The following TCTN3 variants were observed in gnomAD, a reference collection of about 807,000 sequenced individuals.
The protein encoded by TCTN3 is tectonic family member 3, also known as tectonic-3.
Under a neutral mutation model 71.3 loss-of-function variants are expected in TCTN3, and 57 were observed. The observed-to-expected ratio is 0.80, with a 90% confidence interval of 0.65 to 1.00. TCTN3 has a LOEUF of 1.00. Ranked by LOEUF, TCTN3 falls within the 50% of genes least tolerant of loss-of-function variation. The pLI is 0.00. For missense variants in TCTN3, 696 were observed against 719.9 expected, an observed-to-expected ratio of 0.97 and a Z score of 0.38; for synonymous variants, 258 against 267.8, an observed-to-expected ratio of 0.96 and a Z score of 0.36.
chr10:95,675,878 G>C (rs963205391), intron 13 of TCTN3, among the ~76,000 whole-genome samples: 1 of 152,170 alleles, frequency 6.6e-6, no homozygotes, highest in Admixed American at 6.5e-5. Context: ...TTGTGGCAGA[G>C]GTTCTTAGCC....
chr10:95,692,564 G>A (rs955724598), intron 3 of TCTN3, among the ~76,000 whole-genome samples: 2 of 142,982 alleles, frequency 1.4e-5, no homozygotes, highest in Admixed American at 7.4e-5. Context: ...AGAAAGAGGC[G>A]TAGAGATTCA....
intron 13 of TCTN3, among the ~76,000 whole-genome samples, chr10:95,678,944 C>G (rs990308833): frequency 1.2e-4 from 18 of 152,174 alleles, no homozygotes; most frequent in Admixed American, 1.0e-3. Context: ...TCCCTCAAAT[C>G]ACACTTAGTA....
chr10:95,690,152 T>C (rs1262395100), intron 3 of TCTN3, among the ~76,000 whole-genome samples: 1 of 152,034 alleles, frequency 6.6e-6, no homozygotes, highest in Non-Finnish European at 1.5e-5. Flanking sequence ...CCCAGCTAAT[T>C]TTCCTATTTT....
intron 12 of TCTN3, 145 bp from the exon 13 acceptor site, chr10:95,680,754 T>G (rs1261518502): frequency 1.3e-6 from 1 of 795,024 alleles, no homozygotes; most frequent in Admixed American, 3.3e-5. Flanking sequence ...AAGTTCACAA[T>G]AAGACTATGT....
In TCTN3 at chr10:95,685,614, G is replaced by GT. The variant is rs1157302392; in HGVS notation, c.910dup (p.Thr304AsnfsTer5). 1.3e-6 allele frequency: 2 copies of GT among 1,551,362 alleles called. No individual in the cohort carries two copies. Among genetic ancestry groups the GT allele is most frequent in the Non-Finnish European group, 1.7e-6 (2 of 1,146,784 alleles). The stretch of plus-strand genomic sequence containing the variant: ...CAACAGAGGAGCATTAGCCTGTGAG[G>GT]TAAGTATTACAGGAACCTGGAACTA... On this transcript the variant is annotated frameshift_variant, in exon 8 of 14. Transcript: ENST00000371217. LOFTEE classifies it high-confidence loss of function.
intron 12 of TCTN3, among the ~76,000 whole-genome samples, chr10:95,681,964 G>C (rs913745753): frequency 6.6e-6 from 1 of 152,090 alleles, no homozygotes; most frequent in Non-Finnish European, 1.5e-5. Context: ...GGAGGCCAAG[G>C]CAGGAGGATC....
Position 95,693,811 on chromosome 10 carries a change from C to G in TCTN3, c.89G>C (p.Gly30Ala). 6.4e-7 allele frequency: 1 copy of G among 1,551,676 alleles called. No homozygotes were observed. Among genetic ancestry groups the G allele is most frequent in the Middle Eastern group, 1.7e-4 (1 of 5,992 alleles). Residue 30 changes from glycine to alanine, a missense_variant, in exon 1 of 14, where the codon GGG becomes GCG. By Grantham distance (60) the Gly-to-Ala change is moderately conservative. Transcript: ENST00000371217. The stretch of plus-strand genomic sequence containing the variant: ...CAGCTCCAAAGACGTGGGCACTGCC[C>G]CTGATGGGGAGGAAGAGGGCTGAGG... ...VRPQPSSSPS[G>A]AVPTSLELQR...
chr10:95,670,485 A>G (rs1232062727), intron 13 of TCTN3, among the ~76,000 whole-genome samples: 1 of 151,288 alleles, frequency 6.6e-6, no homozygotes, highest in Non-Finnish European at 1.5e-5. Flanking sequence ...TCAGCCTCCC[A>G]AGTAGCTGAG....
intron 11 of TCTN3, 145 bp from the exon 12 acceptor site, chr10:95,682,949 A>T (rs528619566): frequency 9.2e-5 from 117 of 1,274,664 alleles, no homozygotes; most frequent in Non-Finnish European, 1.1e-4. Flanking sequence ...AATTGCCAGA[A>T]AACTCTTAGC....
chr10:95,681,392 A>G (rs1180194900), intron 12 of TCTN3, among the ~76,000 whole-genome samples: 1 of 152,124 alleles, frequency 6.6e-6, no homozygotes, highest in African/African-American at 2.4e-5. Flanking sequence ...ATTAATCTAA[A>G]TAACAGTTAC....
Position 95,687,117 on chromosome 10 carries a change from T to C in TCTN3, c.779A>G (p.Lys260Arg), listed in dbSNP as rs1233643028. The C allele has an allele frequency of 6.2e-7, 1 of 1,614,046 alleles. No individual in the cohort carries two copies. The highest frequency in any genetic ancestry group is 8.5e-7 in the Non-Finnish European group (1 of 1,180,038). Residue 260 changes from lysine (K) to arginine (R), a missense_variant, in exon 6 of 14, where the codon AAG becomes AGG. Transcript: ENST00000371217. Reference sequence around the variant, plus strand: ...CAAGGTACAGCTACTAGCCAGGTTCTTGAAAAAACGAGTGCAAGTTGTACT... The same window carrying C: ...CAAGGTACAGCTACTAGCCAGGTTCCTGAAAAAACGAGTGCAAGTTGTACT... ...SKSTTCTRFF[K>R]NLASSCTLDS...
At chr10:95,693,615 G>C in intron 1 of TCTN3, 29 bp downstream of exon 1, 1 of 1,548,382 alleles carries the variant, frequency 6.5e-7, no homozygotes, top group Non-Finnish European at 8.7e-7. Flanking sequence ...TCAGAAGTAA[G>C]TTTCCACCCC....
chr10:95,686,358 G>A (rs2097948255), intron 7 of TCTN3, 137 bp downstream of exon 7: 12 of 895,658 alleles, frequency 1.3e-5, no homozygotes, highest in South Asian at 4.2e-5. Flanking sequence ...CAAAGGCACC[G>A]TTTTAGATCC....
chr10:95,686,371 A>G (rs2097948271), intron 7 of TCTN3, 124 bp downstream of exon 7: 1 of 997,100 alleles, frequency 1.0e-6, no homozygotes, highest in Admixed American at 1.9e-5. Context: ...TTAGATCCCT[A>G]CTTAATTGTT....
At chr10:95,680,736 G>A in intron 12 of TCTN3, 127 bp from the exon 13 acceptor site, 1 of 997,766 alleles carries the variant, frequency 1.0e-6, no homozygotes. Flanking sequence ...CTTAGTGGAA[G>A]AACACAAAAG....
At chr10:95,685,745 C>A in intron 7 of TCTN3, 109 bp from the exon 8 acceptor site, 1 of 259,466 alleles carries the variant, frequency 3.9e-6, no homozygotes, top group Non-Finnish European at 6.0e-6. Flanking sequence ...CTTGACCACC[C>A]TCTCTCTCTC....
chr10:95,679,325 T>C (rs2097940465), intron 13 of TCTN3, among the ~76,000 whole-genome samples: 2 of 152,206 alleles, frequency 1.3e-5, no homozygotes, highest in Non-Finnish European at 2.9e-5. Flanking sequence ...TAATTGAATG[T>C]TCTCATTAAT....
At position 95,693,893 on chromosome 10, in the gene TCTN3, T is replaced by C; in HGVS notation, c.7A>G (p.Thr3Ala). The C allele has an allele frequency of 3.2e-6, 5 of 1,551,428 alleles. No individual in the cohort carries two copies. Among genetic ancestry groups the C allele is most frequent in the African/African-American group, 1.4e-5 (1 of 73,100 alleles). MR[T>A]PQLALLQVFF... ...ACTTGCAGGAGCGCGAGCTGTGGGG[T>C]GCGCATGGGGCATTCAGGGCCTCCG... The change falls in exon 1 of 14, where the codon ACC (threonine) becomes GCC (alanine). Residue 3 changes from threonine to alanine, a missense_variant. Physicochemically the swap from Thr to Ala is moderately conservative, Grantham distance 58. Coordinates refer to ENST00000371217, the MANE Select transcript of TCTN3 (RefSeq NM_015631.6).
rs898301272 is a variant in TCTN3, at chr10:95,682,737, G to A, written c.1366C>T (p.Pro456Ser). ...TTACCAAAGATGGCAACATACTCTGGTCTGGGCCTTCCATGAAGAGTCTGA... is the reference window on the plus strand; with the variant it reads ...TTACCAAAGATGGCAACATACTCTGATCTGGGCCTTCCATGAAGAGTCTGA... ...IYQTLHGRPR[P>S]EYVAIFGNAD... The change falls in exon 12 of 14, where the codon CCA becomes TCA. Residue 456 changes from proline to serine, a missense_variant. Pro to Ser is a moderately conservative substitution (Grantham distance 74, BLOSUM62 -1). Transcript: ENST00000371217. 1.2e-6 allele frequency: 2 copies of A among 1,614,166 alleles called. No individual in the cohort carries two copies. The highest frequency in any genetic ancestry group is 1.7e-6 in the Non-Finnish European group (2 of 1,180,026).
Sources: allele counts gnomAD v4.1 joint callset (sites outside exome capture counted in the v4.1 genomes callset), GRCh38; gene constraint gnomAD v4.1.1; transcripts MANE v1.5; gene names NCBI Gene and HGNC (gene_info 2026-07-23, HGNC 2026-07-21).